LINC00632: variants seen among roughly 807,000 people sequenced by gnomAD.
LINC00632 encodes the protein ALDOA related specific transcript.
At chrX:140,769,748 T>C (rs1214898936) in intron 3 of LINC00632, among the ~76,000 whole-genome samples, 2 of 110,770 alleles carry the variant, frequency 1.8e-5, no homozygotes, top group African/African-American at 6.6e-5. Context: ...CCTCATCTAA[T>C]TCCACGCGTA....
rs1195112507 is a variant in LINC00632, at chrX:140,772,208, C to T, written n.322C>T. On this transcript the variant is annotated non_coding_transcript_exon_variant, in exon 4 of 5. Transcript: ENST00000648200. ...GTCCGCGCCTTTGAGAGCTTTGGAA[C>T]GATATGCAAGTTCAAGTCACCATCC... 2.0e-5 allele frequency: 6 copies of T among 294,029 alleles called. No homozygotes were observed. The Admixed American group carries it at 3.8e-4, about 19-fold the overall frequency. The allele number at this position is 294,029 out of a possible 1,213,427, so 24.2% of individuals were successfully genotyped here. A position where few individuals can be genotyped will look rare whatever the true frequency, so the allele number is the denominator to read the frequency against.
chrX:140,711,126 C>T (rs779174547), intron 1 of LINC00632, among the ~76,000 whole-genome samples: 6 of 111,611 alleles, frequency 5.4e-5, no homozygotes, highest in African/African-American at 2.0e-4. Context: ...TTTGCTTCTA[C>T]GCCTTCCTCT....
chrX:140,783,483 A>C lies in LINC00632; in HGVS notation n.11502A>C, dbSNP rs150178980. The C allele has an allele frequency of 3.5e-3, 3,092 of 893,461 alleles. 63 individuals carry two copies. The African/African-American group carries it at 0.053, about 15-fold the overall frequency. The allele number at this position is 893,461 out of a possible 1,213,427, so 73.6% of individuals were successfully genotyped here. A position where few individuals can be genotyped will look rare whatever the true frequency, so the allele number is the denominator to read the frequency against. ...CCAATAATTTCAAGGTCTTCCATCA[A>C]ATACAGATCTTCCAGCTAATCCATG... is the stretch of plus-strand genomic sequence containing the variant. On this transcript the variant is annotated non_coding_transcript_exon_variant, in exon 5 of 5. Transcript: ENST00000648200.
At chrX:140,729,791 GAGAAAAA>G (rs1931026507) in intron 2 of LINC00632, among the ~76,000 whole-genome samples, 1 of 109,814 alleles carries the variant, frequency 9.1e-6, no homozygotes, top group African/African-American at 3.3e-5. Context: ...GGAATTTGAG[GAGAAAAA>G]AGAAAAAATA....
At chrX:140,742,053 C>T (rs1202963277) in intron 3 of LINC00632, among the ~76,000 whole-genome samples, 3 of 111,858 alleles carry the variant, frequency 2.7e-5, no homozygotes, top group Admixed American at 9.5e-5. Flanking sequence ...CTCATCAGTC[C>T]CAGGTAATCA....
At chrX:140,742,839 TAGAG>T (rs3084215) in intron 3 of LINC00632, among the ~76,000 whole-genome samples, 5,298 of 46,708 alleles carry the variant, frequency 0.11, 196 homozygotes, top group Middle Eastern at 0.27. Context: ...TAGAAGGTGA[TAGAG>T]AGAGAGAGAG....
chrX:140,735,231 A>G, intron 3 of LINC00632, among the ~76,000 whole-genome samples: 1 of 111,607 alleles, frequency 9.0e-6, no homozygotes, highest in South Asian at 3.7e-4. Context: ...TCATGTAGTG[A>G]CCTGTCATCA....
At chrX:140,724,478 T>TAC (rs199877034) in intron 2 of LINC00632, among the ~76,000 whole-genome samples, 43 of 28,748 alleles carry the variant, frequency 1.5e-3, no homozygotes, top group African/African-American at 4.0e-3. Context: ...ATTCCATACA[T>TAC]ACACACACAC....
At chrX:140,744,179 C>T (rs1212870937) in intron 3 of LINC00632, among the ~76,000 whole-genome samples, 1 of 110,687 alleles carries the variant, frequency 9.0e-6, no homozygotes, top group African/African-American at 3.3e-5. Context: ...TAGCAAAGAG[C>T]CAACTTCTGA....
At chrX:140,712,623 C>T (rs1223846807) in intron 2 of LINC00632, among the ~76,000 whole-genome samples, 1 of 110,566 alleles carries the variant, frequency 9.0e-6, no homozygotes, top group Non-Finnish European at 1.9e-5. Flanking sequence ...ACTGCCACTA[C>T]CTCTTCTAGA....
intron 3 of LINC00632, among the ~76,000 whole-genome samples, chrX:140,768,478 G>C (rs975101185): frequency 9.5e-6 from 1 of 105,334 alleles, no homozygotes; most frequent in Non-Finnish European, 1.9e-5. Context: ...CTGTGAAAGA[G>C]CACTGCTGCT....
At chrX:140,786,215 A>T (rs1932016393) in exon 5 of LINC00632, among the ~76,000 whole-genome samples, 1 of 112,636 alleles carries the variant, frequency 8.9e-6, no homozygotes, top group African/African-American at 3.2e-5. Context: ...ATGTCTAATG[A>T]TTTATACTTT....
At chrX:140,771,644 C>CAT (rs1331022019) in intron 3 of LINC00632, among the ~76,000 whole-genome samples, 2 of 47,285 alleles carry the variant, frequency 4.2e-5, no homozygotes, top group East Asian at 6.1e-4. Flanking sequence ...CACACACACA[C>CAT]ATACATATAT....
intron 2 of LINC00632, among the ~76,000 whole-genome samples, chrX:140,712,441 CAA>C (rs112746789): frequency 4.8e-4 from 46 of 96,696 alleles, no homozygotes; most frequent in African/African-American, 1.7e-3. Flanking sequence ...TTCAGATACT[CAA>C]AGAGTTAAAG....
chrX:140,785,812 T>C (rs896068257), exon 5 of LINC00632, among the ~76,000 whole-genome samples: 2 of 112,257 alleles, frequency 1.8e-5, no homozygotes, highest in African/African-American at 6.5e-5. Context: ...TCTATCTATT[T>C]GAATCCCCTT....
At chrX:140,734,049 C>G (rs1931103900) in intron 3 of LINC00632, 1 of 112,339 alleles carries the variant, frequency 8.9e-6, no homozygotes, top group African/African-American at 3.2e-5. Context: ...GGTGAATAAG[C>G]ACGTATACAT....
At chrX:140,787,209 A>G (rs1042980444) in exon 5 of LINC00632, among the ~76,000 whole-genome samples, 3 of 111,471 alleles carry the variant, frequency 2.7e-5, no homozygotes, top group Non-Finnish European at 5.7e-5. Context: ...TAATTTCAGT[A>G]TCTAGAGATA....
At chrX:140,774,575 A>C (rs754028288) in exon 5 of LINC00632, among the ~76,000 whole-genome samples, 2 of 111,516 alleles carry the variant, frequency 1.8e-5, no homozygotes, top group Non-Finnish European at 3.8e-5. Context: ...GACTGAGCTT[A>C]CATCTCTTCA....
chrX:140,762,816 T>G (rs972719480), intron 3 of LINC00632, among the ~76,000 whole-genome samples: 5 of 112,207 alleles, frequency 4.5e-5, no homozygotes, highest in Non-Finnish European at 9.4e-5. Flanking sequence ...TGATATTTTT[T>G]GAGCACTAAA....
Sources: gnomAD v4.1 joint callset for allele counts (sites outside exome capture counted in the v4.1 genomes callset) on GRCh38, gnomAD v4.1.1 for gene constraint, MANE v1.5 for transcripts, NCBI Gene and HGNC (gene_info 2026-07-23, HGNC 2026-07-21) for gene names.